Variants in PCDHGC5 observed in about 807,000 individuals in gnomAD.
PCDHGC5 encodes protocadherin gamma subfamily C, 5.
A neutral mutation model predicts 59.0 loss-of-function variants in PCDHGC5; 25 were observed. The ratio of observed to expected loss-of-function variants is 0.42; its 90% confidence interval spans 0.31 to 0.59. The LOEUF is 0.59. PCDHGC5 is among the 20% of genes least tolerant of loss of function. PCDHGC5 has a pLI of 0.13. For missense variants in PCDHGC5, 1,067 were observed against 1,206.4 expected, an observed-to-expected ratio of 0.88 and a Z score of 1.71; for synonymous variants, 434 against 505.5, an observed-to-expected ratio of 0.86 and a Z score of 1.90.
intron 2 of PCDHGC5, among the ~76,000 whole-genome samples, chr5:141,501,290 T>TAC (rs55762287): frequency 0.12 from 16,682 of 135,960 alleles, 995 homozygotes; most frequent in African/African-American, 0.18. Flanking sequence ...TATTCCCTTA[T>TAC]ACACACACAC....
chr5:141,494,818 C>T lies in PCDHGC5; in HGVS notation c.2472C>T (p.Pro824=). The part of the protein sequence containing the change: ...TLRERSQQAP[P]NTDWRFSQAQ... ...TGTTTTCTCCACAGCAAGCCCCGCCCAACACGGACTGGCGTTTCTCTCAGG... is the reference window on the plus strand; with the variant it reads ...TGTTTTCTCCACAGCAAGCCCCGCCTAACACGGACTGGCGTTTCTCTCAGG... Residue 824 remains proline (P), a synonymous_variant, in exon 2 of 4, where the codon CCC becomes CCT. Transcript: ENST00000252087. 1.9e-6 allele frequency: 3 copies of T among 1,614,152 alleles called. No homozygotes were observed. The highest frequency in any genetic ancestry group is 2.2e-5 in the South Asian group (2 of 91,074).
In PCDHGC5 at chr5:141,489,327, G is replaced by A; in HGVS notation, c.87G>A (p.Gly29=). The A allele has an allele frequency of 6.2e-7, 1 of 1,603,940 alleles. No individual in the cohort carries two copies. Among genetic ancestry groups the A allele is most frequent in the South Asian group, 1.1e-5 (1 of 89,400 alleles). ...TGTGCTGCTGGGGCTGGGTGTCTGG[G>A]CAGCTTCGTTACTCAGTGGTGGAGG... is the stretch of plus-strand genomic sequence containing the variant. The part of the protein sequence containing the change: ...LSLCCWGWVS[G]QLRYSVVEES... The change falls in exon 1 of 4, where the codon GGG becomes GGA. Residue 29 remains glycine, a synonymous_variant. Transcript: ENST00000252087. This position sits in a 1 kb window ranked among gnomAD's most constrained non-coding sequence, Gnocchi z 4.5.
At chr5:141,504,134 A>G (rs73280371) in intron 2 of PCDHGC5, among the ~76,000 whole-genome samples, 139 of 152,168 alleles carry the variant, frequency 9.1e-4, no homozygotes, top group African/African-American at 3.1e-3. Flanking sequence ...TCCCGCCAAC[A>G]CTCCCCTGCA....
At position 141,493,412 on chromosome 5, in the gene PCDHGC5, G is replaced by A. The variant is rs1288041038; in HGVS notation, c.2461-1395G>A. Among the ~76,000 whole-genome samples, 3 of 152,114 alleles carry A rather than the reference G, an allele frequency of 2.0e-5. No individual in the cohort carries two copies. The highest frequency in any genetic ancestry group is 4.4e-5 in the Non-Finnish European group (3 of 68,024). On this transcript the variant is annotated intron_variant, in intron 1 of 3. Coordinates refer to ENST00000252087, the MANE Select transcript of PCDHGC5 (RefSeq NM_018929.3). This position sits in a 1 kb window ranked among gnomAD's most constrained non-coding sequence, Gnocchi z 4.3. ...CAGGAGAGGGGAGTTGCCTCTGCTG[G>A]GATTTTGCTTCTGCTGGGATGGGGC...
At position 141,491,168 on chromosome 5, in the gene PCDHGC5, A is replaced by T. The variant is rs1293664414; in HGVS notation, c.1928A>T (p.Gln643Leu). The change falls in exon 1 of 4, where the codon CAG becomes CTG. Residue 643 changes from glutamine (Q) to leucine (L), a missense_variant. Gln to Leu is a moderately radical substitution (Grantham distance 113). Transcript: ENST00000252087. This position sits in a 1 kb window ranked among gnomAD's most constrained non-coding sequence, Gnocchi z 6.9. ...CTGGAGGATGACTCTGACACCCAGC[A>T]GGTGGTGGTCCTGGTGAGGGACAAT... ...ALLEDDSDTQ[Q>L]VVVLVRDNGD... 3.1e-6 allele frequency: 5 copies of T among 1,614,160 alleles called. No individual in the cohort carries two copies. The highest frequency in any genetic ancestry group is 4.2e-6 in the Non-Finnish European group (5 of 1,179,988).
chr5:141,489,253 A>T lies in PCDHGC5; in HGVS notation c.13A>T (p.Thr5Ser). 1 of 1,547,506 alleles carries T rather than the reference A, an allele frequency of 6.5e-7. No individual in the cohort carries two copies. The highest frequency in any genetic ancestry group is 2.3e-5 in the East Asian group (1 of 44,418). MGPK[T>S]LPQLAGKWQV... ...GGACTTCTGGGTCATGGGGCCCAAG[A>T]CACTCCCACAGCTCGCTGGGAAATG... Residue 5 changes from threonine (T) to serine (S), a missense_variant, in exon 1 of 4, where the codon ACA (threonine) becomes TCA (serine). Thr to Ser is a moderately conservative substitution (Grantham distance 58). Coordinates refer to ENST00000252087, the MANE Select transcript of PCDHGC5 (RefSeq NM_018929.3). This position sits in a 1 kb window ranked among gnomAD's most constrained non-coding sequence, Gnocchi z 4.5.
intron 2 of PCDHGC5, among the ~76,000 whole-genome samples, chr5:141,502,139 C>T (rs923501238): frequency 6.6e-6 from 1 of 152,104 alleles, no homozygotes; most frequent in African/African-American, 2.4e-5. Flanking sequence ...TCAGTCGGGC[C>T]GGAAGTAAGG....
chr5:141,489,267 C>A lies in PCDHGC5; in HGVS notation c.27C>A (p.Leu9=). Residue 9 remains leucine, a synonymous_variant, in exon 1 of 4, where the codon CTC becomes CTA. Transcript: ENST00000252087. This position sits in a 1 kb window ranked among gnomAD's most constrained non-coding sequence, Gnocchi z 4.5. ...TGGGGCCCAAGACACTCCCACAGCT[C>A]GCTGGGAAATGGCAAGTGCTGTGCA... is the stretch of plus-strand genomic sequence containing the variant. The part of the protein sequence containing the change: MGPKTLPQ[L]AGKWQVLCML... 1 of 1,553,300 alleles carries A rather than the reference C, an allele frequency of 6.4e-7. No homozygotes were observed. The highest frequency in any genetic ancestry group is 8.7e-7 in the Non-Finnish European group (1 of 1,149,864).
At chr5:141,499,136 G>A (rs1488844131) in intron 2 of PCDHGC5, among the ~76,000 whole-genome samples, 1 of 152,100 alleles carries the variant, frequency 6.6e-6, no homozygotes, top group Non-Finnish European at 1.5e-5. Flanking sequence ...CATCCTTTGG[G>A]TGTCTGATCC....
rs780395794 is a variant in PCDHGC5, at chr5:141,489,685, G to A, written c.445G>A (p.Gly149Arg). ...EMRISESAAS[G>R]ARFPLDSAQD... is the part of the protein sequence containing the mutation. ...GCGCATCTCAGAATCAGCAGCATCT[G>A]GGGCACGATTCCCACTGGACAGTGC... The change falls in exon 1 of 4, where the codon GGG (glycine) becomes AGG (arginine). Residue 149 changes from glycine (G) to arginine (R), a missense_variant. Coordinates refer to ENST00000252087, the MANE Select transcript of PCDHGC5 (RefSeq NM_018929.3). The surrounding 1 kb of genome is among the most constrained non-coding windows in gnomAD (Gnocchi z 4.5). 10 of 1,614,142 alleles carry A rather than the reference G, an allele frequency of 6.2e-6. No individual in the cohort carries two copies. The South Asian group carries it at 1.1e-4, about 18-fold the overall frequency.
At chr5:141,507,558 G>A (rs573728108) in intron 3 of PCDHGC5, among the ~76,000 whole-genome samples, 57 of 152,346 alleles carry the variant, frequency 3.7e-4, no homozygotes, top group African/African-American at 1.3e-3. Context: ...AGTGGCAGGC[G>A]GCTGGGTCTG....
intron 2 of PCDHGC5, among the ~76,000 whole-genome samples, chr5:141,500,027 G>C (rs1458308566): frequency 6.6e-6 from 1 of 151,808 alleles, no homozygotes; most frequent in Non-Finnish European, 1.5e-5. Flanking sequence ...ATATTTGAGT[G>C]AGTGTCTCTT....
At chr5:141,494,972 C>T (rs1005793988) in intron 2 of PCDHGC5, 107 bp downstream of exon 2, 69 of 1,581,734 alleles carry the variant, frequency 4.4e-5, no homozygotes, top group Non-Finnish European at 5.9e-5. Context: ...TGGCTTCTCC[C>T]TCAGTTTGAG....
rs191354649 is a variant in PCDHGC5 at position 141,510,446 on chromosome 5, C to T, written c.2609-501C>T. 8.9e-4 allele frequency among the ~76,000 whole-genome samples: 135 copies of T among 152,154 alleles called. 1 individual carries two copies. Among genetic ancestry groups the T allele is most frequent in the Non-Finnish European group, 1.7e-3 (114 of 68,010 alleles). On this transcript the variant is annotated intron_variant, in intron 3 of 3. Coordinates refer to ENST00000252087, the MANE Select transcript of PCDHGC5 (RefSeq NM_018929.3). ...TTTCATGGCTGCTGCCCTCCAGGAG[C>T]CCATGGTCTAGTGTGGGAGTCAGAG...
Position 141,490,885 on chromosome 5 carries a change from T to C in PCDHGC5, c.1645T>C (p.Ser549Pro), listed in dbSNP as rs1317781676. ...SGSPPLHANTSLHVFVLDEND... is the reference protein window; with the variant it reads ...SGSPPLHANTPLHVFVLDEND... The stretch of plus-strand genomic sequence containing the variant: ...CTCTCCCCCATTGCATGCCAACACA[T>C]CTCTGCATGTGTTTGTCCTAGACGA... Residue 549 changes from serine (S) to proline (P), a missense_variant, in exon 1 of 4, where the codon TCT becomes CCT. Ser to Pro is a moderately conservative substitution (Grantham distance 74, BLOSUM62 -1). Coordinates refer to ENST00000252087, the MANE Select transcript of PCDHGC5 (RefSeq NM_018929.3). This position sits in a 1 kb window ranked among gnomAD's most constrained non-coding sequence, Gnocchi z 5.4. The C allele has an allele frequency of 6.2e-7, 1 of 1,613,872 alleles. No individual in the cohort carries two copies. Among genetic ancestry groups the C allele is most frequent in the Non-Finnish European group, 8.5e-7 (1 of 1,179,904 alleles).
intron 1 of PCDHGC5, among the ~76,000 whole-genome samples, chr5:141,494,113 C>G (rs2099751999): frequency 6.6e-6 from 1 of 152,214 alleles, no homozygotes; most frequent in Non-Finnish European, 1.5e-5. Flanking sequence ...TCAGACAGAG[C>G]AGCCTTGTTC....
rs764579211 is a variant in PCDHGC5 at position 141,489,393 on chromosome 5, T to C, written c.153T>C (p.Asp51=). 1.9e-5 allele frequency: 30 copies of C among 1,614,098 alleles called. No individual in the cohort carries two copies. In the South Asian group the frequency reaches 3.3e-4, roughly 18 times the overall value. Residue 51 remains aspartate, a synonymous_variant, in exon 1 of 4, where the codon GAT becomes GAC. Coordinates refer to ENST00000252087, the MANE Select transcript of PCDHGC5 (RefSeq NM_018929.3). The surrounding 1 kb of genome is among the most constrained non-coding windows in gnomAD (Gnocchi z 4.5). ...PGTLVGNVAQ[D]LGLKMTDLLS... ...CGCTGGTGGGGAATGTTGCTCAGGA[T>C]CTGGGCTTAAAGATGACAGATCTGT...
rs1222348421 is a variant in PCDHGC5, at chr5:141,511,044, C to T, written c.2706C>T (p.Asp902=). 1 of 1,614,128 alleles carries T rather than the reference C, an allele frequency of 6.2e-7. No homozygotes were observed. The highest frequency in any genetic ancestry group is 1.3e-5 in the African/African-American group (1 of 74,940). ...GPQFTLQHVP[D]YRQNVYIPGS... is the part of the protein sequence containing the mutation. ...AGTTCACCCTGCAGCACGTGCCCGA[C>T]TACCGCCAGAATGTCTACATCCCAG... The change falls in exon 4 of 4, where the codon GAC becomes GAT. Residue 902 remains aspartate, a synonymous_variant. Coordinates refer to ENST00000252087, the MANE Select transcript of PCDHGC5 (RefSeq NM_018929.3).
chr5:141,500,062 TAA>T (rs1314388217), intron 2 of PCDHGC5, among the ~76,000 whole-genome samples: 1 of 152,144 alleles, frequency 6.6e-6, no homozygotes, highest in East Asian at 1.9e-4. Flanking sequence ...TCTTTTAATG[TAA>T]AAGACTTCCC....
Sources: gnomAD v4.1 joint callset for allele counts (sites outside exome capture counted in the v4.1 genomes callset) on GRCh38, gnomAD v4.1.1 for gene constraint, Gnocchi (gnomAD v3.1) non-coding constraint, MANE v1.5 for transcripts, NCBI Gene and HGNC (gene_info 2026-07-23, HGNC 2026-07-21) for gene names.